Variants in STS observed in about 807,000 individuals in gnomAD.
STS encodes steryl-sulfatase.
In STS, 7 loss-of-function variants were observed where a neutral mutation model predicts 26.8. That is an observed-to-expected ratio of 0.26 (90% CI 0.15 to 0.49). The LOEUF is 0.49. Ranked by LOEUF, STS falls within the 20% of genes least tolerant of loss-of-function variation. STS has a pLI of 0.98. For missense variants in STS, 434 were observed against 465.6 expected, an observed-to-expected ratio of 0.93 and a Z score of 0.63; for synonymous variants, 199 against 189.4, an observed-to-expected ratio of 1.05 and a Z score of -0.42.
At chrX:7,207,771 G>C (rs975161626) in intron 2 of STS, among the ~76,000 whole-genome samples, 5 of 112,151 alleles carry the variant, frequency 4.5e-5, no homozygotes, top group African/African-American at 6.5e-5. Context: ...TTATAAACTG[G>C]TCAGGAACTT....
chrX:7,205,094 G>A (rs960844468), intron 2 of STS, among the ~76,000 whole-genome samples: 5 of 111,645 alleles, frequency 4.5e-5, no homozygotes, highest in Admixed American at 9.5e-5. Context: ...CATGGACAAC[G>A]GAAGAAGAAA....
chrX:7,162,702 G>C (rs1025409022), intron 1 of STS, among the ~76,000 whole-genome samples: 17 of 108,729 alleles, frequency 1.6e-4, no homozygotes, highest in Non-Finnish European at 3.1e-4. Context: ...CTCCTGGTAG[G>C]TAAAATCATC....
intron 2 of STS, among the ~76,000 whole-genome samples, chrX:7,205,580 G>A (rs992396515): frequency 1.2e-5 from 1 of 81,654 alleles, no homozygotes; most frequent in Admixed American, 1.1e-4. Context: ...GAAATTATTT[G>A]GTTTTCTTTT....
chrX:7,205,641 CTTT>C lies in STS; in HGVS notation c.-5+14646_-5+14648del, dbSNP rs11318727. On this transcript the variant is annotated intron_variant, in intron 2 of 10. Transcript: ENST00000674429. ...TTCGTTTTCTTTTCTTTTCTTTTTT[CTTT>C]TTTTTTTTTTTTGAGACAGTTTCTT... is the stretch of plus-strand genomic sequence containing the variant. Among the ~76,000 whole-genome samples the C allele has an allele frequency of 2.1e-3, 183 of 87,960 alleles. 4 individuals carry two copies. The highest frequency in any genetic ancestry group is 8.0e-4 in the African/African-American group (19 of 23,817). 76.4% of individuals were successfully genotyped at this position (87,960 alleles called of 115,157 possible).
chrX:7,214,709 C>T (rs1192097756), intron 2 of STS, among the ~76,000 whole-genome samples: 2 of 107,931 alleles, frequency 1.9e-5, no homozygotes, highest in African/African-American at 6.8e-5. Context: ...TCACCCTTTC[C>T]CCCTGAGTCC....
chrX:7,163,271 A>G (rs1234032604), intron 1 of STS, among the ~76,000 whole-genome samples: 4 of 111,971 alleles, frequency 3.6e-5, no homozygotes, highest in Non-Finnish European at 7.5e-5. Context: ...TTGTCTCCAG[A>G]TATCACCAGA....
At chrX:7,187,513 C>CA (rs1283723083) in intron 1 of STS, among the ~76,000 whole-genome samples, 3 of 112,198 alleles carry the variant, frequency 2.7e-5, no homozygotes, top group African/African-American at 9.7e-5. Flanking sequence ...ATACTACAGT[C>CA]AGTCTTCTTT....
chrX:7,207,710 C>T (rs1329191103), intron 2 of STS, among the ~76,000 whole-genome samples: 1 of 111,891 alleles, frequency 8.9e-6, no homozygotes, highest in Non-Finnish European at 1.9e-5. Flanking sequence ...TCATTATGCA[C>T]AAATGAAATT....
chrX:7,275,885 G>A, intron 6 of STS, 66 bp from the exon 7 acceptor site: 1 of 1,115,650 alleles, frequency 9.0e-7, no homozygotes, highest in Non-Finnish European at 1.2e-6. Context: ...AATCAGAATG[G>A]TGGCAGACAT....
chrX:7,296,366 A>C (rs1217807007), intron 7 of STS, among the ~76,000 whole-genome samples: 1 of 112,279 alleles, frequency 8.9e-6, no homozygotes, highest in Non-Finnish European at 1.9e-5. Flanking sequence ...AAGTCCAGGA[A>C]ATACAATGGC....
At chrX:7,278,839 G>A (rs1358609393) in intron 7 of STS, among the ~76,000 whole-genome samples, 3 of 111,830 alleles carry the variant, frequency 2.7e-5, no homozygotes, top group Non-Finnish European at 5.6e-5. Context: ...GGAGCCATAG[G>A]CTTTTGGTCC....
chrX:7,172,935 A>C (rs1426673604), intron 1 of STS, among the ~76,000 whole-genome samples: 2 of 111,294 alleles, frequency 1.8e-5, no homozygotes, highest in Non-Finnish European at 3.8e-5. Flanking sequence ...AGTGTTATTC[A>C]CTTTGTTTTA....
chrX:7,334,088 G>A lies in STS; in HGVS notation c.1344G>A (p.Val448=). 2 of 1,211,385 alleles carry A rather than the reference G, an allele frequency of 1.7e-6. No homozygotes were observed. Among genetic ancestry groups the A allele is most frequent in the Non-Finnish European group, 2.2e-6 (2 of 895,335 alleles). Residue 448 remains valine (V), a synonymous_variant, in exon 10 of 11, where the codon GTG becomes GTA. Transcript: ENST00000674429. ...ACTGCAACGCCTACTTAAATGCTGT[G>A]CGCTGGCACCCTCAGAACAGTGAGT... is the stretch of plus-strand genomic sequence containing the variant. ...FHYCNAYLNA[V]RWHPQNSTSI... is the part of the protein sequence containing the mutation.
rs1000565977 is a variant in STS, at chrX:7,274,494, G to A, written c.807-1457G>A. Among the ~76,000 whole-genome samples the A allele has an allele frequency of 5.4e-5, 6 of 111,829 alleles. No individual in the cohort carries two copies. In the Admixed American group the frequency reaches 5.7e-4, roughly 11 times the overall value. On this transcript the variant is annotated intron_variant, in intron 6 of 10. Transcript: ENST00000674429. ...CGAGAGGTAAAGATTGAGCCTACGAGGTGAAACTGAGACACAGCACTAAAT... is the reference window on the plus strand; with the variant it reads ...CGAGAGGTAAAGATTGAGCCTACGAAGTGAAACTGAGACACAGCACTAAAT...
chrX:7,197,106 C>T (rs1310312355), intron 2 of STS, among the ~76,000 whole-genome samples: 1 of 111,519 alleles, frequency 9.0e-6, no homozygotes, highest in Non-Finnish European at 1.9e-5. Flanking sequence ...CTGTCTTCCC[C>T]TCAGGGCCAT....
intron 2 of STS, among the ~76,000 whole-genome samples, chrX:7,198,436 C>T (rs1028869144): frequency 9.0e-6 from 1 of 111,220 alleles, no homozygotes; most frequent in African/African-American, 3.3e-5. Context: ...CCAATAGTGA[C>T]GGTATCCCTA....
At chrX:7,342,546 G>GCCAATC (rs1395186668) in intron 10 of STS, among the ~76,000 whole-genome samples, 2 of 112,484 alleles carry the variant, frequency 1.8e-5, no homozygotes, top group African/African-American at 6.5e-5. Context: ...TTGGCTGGCT[G>GCCAATC]TGAAACAGAT....
chrX:7,283,401 T>C (rs1397261112), intron 7 of STS, among the ~76,000 whole-genome samples: 2 of 111,885 alleles, frequency 1.8e-5, no homozygotes, highest in Non-Finnish European at 3.8e-5. Context: ...TTCAGAGACA[T>C]CAAGAAGGGC....
At position 7,166,491 on chromosome X, in the gene STS, A is replaced by G. The variant is rs748638097; in HGVS notation, c.-134+18408A>G. On this transcript the variant is annotated intron_variant, in intron 1 of 10. Transcript: ENST00000674429. ...GGATGACTGAAGTATGGGGATATGC[A>G]AAGCCATTTGTCTTAATTGGCAGAC... 6.3e-5 allele frequency among the ~76,000 whole-genome samples: 7 copies of G among 111,785 alleles called. No homozygotes were observed. In the Admixed American group the frequency reaches 6.7e-4, roughly 11 times the overall value.
Sources: gnomAD v4.1 joint callset for allele counts (sites outside exome capture counted in the v4.1 genomes callset) on GRCh38, gnomAD v4.1.1 for gene constraint, MANE v1.5 for transcripts, NCBI Gene and HGNC (gene_info 2026-07-23, HGNC 2026-07-21) for gene names.